Variants in RANBP3 observed in about 807,000 individuals in gnomAD.
RANBP3 encodes ran-binding protein 3.
A neutral mutation model predicts 77.3 loss-of-function variants in RANBP3; 14 were observed. The ratio of observed to expected loss-of-function variants is 0.18; its 90% CI spans 0.12 to 0.28. The LOEUF (loss-of-function observed/expected upper bound fraction) is 0.28, where lower values mean the gene tolerates loss of function less well. Among genes scored for constraint, RANBP3 ranks in the 10% least tolerant of loss-of-function variants. RANBP3 has a pLI of 1.00. For missense variants in RANBP3, 586 were observed against 752.3 expected, an observed-to-expected ratio of 0.78 and a Z score of 2.59; for synonymous variants, 315 against 312.4, an observed-to-expected ratio of 1.01 and a Z score of -0.09.
intron 7 of RANBP3, among the ~76,000 whole-genome samples, 191 bp from the exon 8 acceptor site, chr19:5,931,722 A>AG (rs1568454385): frequency 6.6e-6 from 1 of 152,156 alleles, no homozygotes; most frequent in Non-Finnish European, 1.5e-5. Context: ...TTAAAAAAAA[A>AG]CAAGAGAAAC....
chr19:5,932,806 C>T (rs956183716), intron 6 of RANBP3: 10 of 480,092 alleles, frequency 2.1e-5, no homozygotes, highest in East Asian at 1.2e-4. Context: ...GGCGGGGCGC[C>T]GGCAGACTCA....
chr19:5,949,045 C>T (rs1003354278), intron 3 of RANBP3, among the ~76,000 whole-genome samples: 4 of 152,188 alleles, frequency 2.6e-5, no homozygotes, highest in Non-Finnish European at 5.9e-5. Flanking sequence ...GGTAAGGGCC[C>T]TTTACAAGTA....
rs1307243646 is a variant in RANBP3, at chr19:5,942,521, G to GGT, written c.283-688_283-687dup. Among the ~76,000 whole-genome samples, 15 of 152,080 alleles carry GGT rather than the reference G, an allele frequency of 9.9e-5. No homozygotes were observed. The East Asian group carries it at 2.9e-3, about 29-fold the overall frequency. ...GGCTCATGACCAGCCTGACCAACAT[G>GGT]GTGAAACCCTGTCTCCACTAAAAAT... is the stretch of plus-strand genomic sequence containing the variant. On this transcript the variant is annotated intron_variant, in intron 3 of 16. Transcript: ENST00000340578.
Position 5,921,102 on chromosome 19 carries a change from T to TA in RANBP3, c.1330+98dup, listed in dbSNP as rs1197111926. 1 of 1,417,588 alleles carries TA rather than the reference T, an allele frequency of 7.1e-7. No individual in the cohort carries two copies. Among genetic ancestry groups the TA allele is most frequent in the Admixed American group, 2.0e-5 (1 of 49,174 alleles). 87.8% of individuals were successfully genotyped at this position (1,417,588 alleles called of 1,614,324 possible). On this transcript the variant is annotated intron_variant, in intron 14 of 16. Transcript: ENST00000340578. The surrounding 1 kb of genome is among the most constrained non-coding windows in gnomAD (Gnocchi z 5.3). ...CTCTGTGCCTTGACTCTCACAAGGGTAGGGTCAGGATCTCCCCCGCTTCAT... is the reference window on the plus strand; with the variant it reads ...CTCTGTGCCTTGACTCTCACAAGGGTAAGGGTCAGGATCTCCCCCGCTTCAT...
intron 1 of RANBP3, among the ~76,000 whole-genome samples, chr19:5,965,359 C>T (rs1291937595): frequency 2.6e-5 from 4 of 152,136 alleles, no homozygotes; most frequent in Admixed American, 6.5e-5. Flanking sequence ...TTTCAACAGC[C>T]CACATGTGAG....
At chr19:5,970,395 C>T (rs1349456177) in intron 1 of RANBP3, among the ~76,000 whole-genome samples, 1 of 152,124 alleles carries the variant, frequency 6.6e-6, no homozygotes, top group Non-Finnish European at 1.5e-5. Flanking sequence ...CCTACGACCT[C>T]AGTAGGTTAG....
At chr19:5,938,425 C>T (rs923432302) in intron 5 of RANBP3, among the ~76,000 whole-genome samples, 1 of 152,204 alleles carries the variant, frequency 6.6e-6, no homozygotes, top group African/African-American at 2.4e-5. Flanking sequence ...CGTGGTGGCT[C>T]ACGCCTGTAA....
rs778645661 is a variant in RANBP3, at chr19:5,923,175, G to A, written c.1209+19C>T. The A allele has an allele frequency of 1.3e-5, 21 of 1,600,776 alleles. No individual in the cohort carries two copies. In the Admixed American group the frequency reaches 3.0e-4, roughly 23 times the overall value. ...TGCATGGAAGACCCAGGGCCACCGAGGAGGGGCCGGCCCCTCACCTGTAAC... is the reference window on the plus strand; with the variant it reads ...TGCATGGAAGACCCAGGGCCACCGAAGAGGGGCCGGCCCCTCACCTGTAAC... On this transcript the variant is annotated intron_variant, in intron 13 of 16. Transcript: ENST00000340578.
At chr19:5,941,138 C>T (rs2058130744) in intron 5 of RANBP3, among the ~76,000 whole-genome samples, 1 of 152,230 alleles carries the variant, frequency 6.6e-6, no homozygotes, top group Non-Finnish European at 1.5e-5. Flanking sequence ...CTGCTGGGGC[C>T]TCCTGGCTTG....
intron 10 of RANBP3, 130 bp from the exon 11 acceptor site, chr19:5,925,035 T>C: frequency 1.2e-6 from 1 of 834,158 alleles, no homozygotes; most frequent in Non-Finnish European, 2.0e-6. Context: ...GTGCACGGGG[T>C]GGCGTGTCAG....
chr19:5,968,937 G>C (rs1167401194), intron 1 of RANBP3, among the ~76,000 whole-genome samples: 1 of 152,240 alleles, frequency 6.6e-6, no homozygotes, highest in Admixed American at 6.5e-5. Context: ...GGGTGCTGCA[G>C]AGAAAATACC....
intron 8 of RANBP3, among the ~76,000 whole-genome samples, chr19:5,928,881 G>A (rs1420499159): frequency 6.6e-6 from 1 of 152,226 alleles, no homozygotes; most frequent in African/African-American, 2.4e-5. Flanking sequence ...TGAAAAAGGT[G>A]TTGTAGAATT....
At chr19:5,971,648 G>T (rs1339653597) in intron 1 of RANBP3, among the ~76,000 whole-genome samples, 1 of 152,238 alleles carries the variant, frequency 6.6e-6, no homozygotes, top group African/African-American at 2.4e-5. Flanking sequence ...GGGGACTGCA[G>T]GGCCCCGGAC....
intron 3 of RANBP3, among the ~76,000 whole-genome samples, chr19:5,945,065 T>A (rs2145155754): frequency 6.6e-6 from 1 of 152,192 alleles, no homozygotes; most frequent in Middle Eastern, 3.4e-3. Flanking sequence ...CCCCTTATAC[T>A]CTTTCTCTGT....
At chr19:5,935,605 C>T (rs891393951) in intron 5 of RANBP3, 13 of 429,076 alleles carry the variant, frequency 3.0e-5, no homozygotes, top group South Asian at 1.3e-4. Flanking sequence ...GCAGCGCTGG[C>T]GCTAACGCTG....
At position 5,960,724 on chromosome 19, in the gene RANBP3, C is replaced by T. The variant is rs74787258; in HGVS notation, c.23-2751G>A. ...TGCGCGCTGGTGTTGAGAACCGTGT[C>T]GGTGGATCTGCAGGTGCACGGAAGG... On this transcript the variant is annotated intron_variant, in intron 1 of 16. Coordinates refer to ENST00000340578, the MANE Select transcript of RANBP3 (RefSeq NM_007322.3). Among the ~76,000 whole-genome samples the T allele has an allele frequency of 4.3e-3, 650 of 152,294 alleles. 4 individuals carry two copies. Among genetic ancestry groups the T allele is most frequent in the African/African-American group, 0.015 (610 of 41,570 alleles).
intron 5 of RANBP3, among the ~76,000 whole-genome samples, chr19:5,936,363 A>C (rs1486599726): frequency 6.6e-6 from 1 of 152,208 alleles, no homozygotes; most frequent in Non-Finnish European, 1.5e-5. Context: ...GCAGGCAGGC[A>C]GAAAGTAAGA....
chr19:5,972,232 C>A (rs1383635388), intron 1 of RANBP3, among the ~76,000 whole-genome samples: 2 of 152,240 alleles, frequency 1.3e-5, no homozygotes, highest in East Asian at 3.8e-4. Flanking sequence ...AATGGTGCAG[C>A]CCAGGCAGCA....
rs752977597 is a variant in RANBP3, at chr19:5,925,646, T to C, written c.905A>G (p.Tyr302Cys). Residue 302 changes from tyrosine (Y) to cysteine (C), a missense_variant, in exon 10 of 17, where the codon TAT becomes TGT. Tyr to Cys is a radical substitution (Grantham distance 194). Transcript: ENST00000340578. ...TPTATNYFLQ[Y>C]ISSSLENSTN... is the part of the protein sequence containing the mutation. ...CCGAGACACACACCTGGAACTGATA[T>C]ACTGGAGGAAATAGTTCGTTGCGGT... 2.5e-6 allele frequency: 4 copies of C among 1,613,808 alleles called. No individual in the cohort carries two copies. In the African/African-American group the frequency reaches 5.3e-5, roughly 22 times the overall value.
Sources: allele counts gnomAD v4.1 joint callset (sites outside exome capture counted in the v4.1 genomes callset), GRCh38; gene constraint gnomAD v4.1.1; non-coding constraint Gnocchi (gnomAD v3.1); transcripts MANE v1.5; gene names NCBI Gene and HGNC (gene_info 2026-07-23, HGNC 2026-07-21).